The following BANP variants were observed in gnomAD, a reference collection of about 807,000 sequenced individuals.
BANP encodes the protein BTG3 associated nuclear protein, also known as protein BANP.
Under a neutral mutation model 68.1 loss-of-function variants are expected in BANP, and 11 were observed. The observed-to-expected ratio is 0.16, with a 90% CI of 0.10 to 0.27. BANP has a LOEUF of 0.27. Ranked by LOEUF, BANP falls within the 10% of genes least tolerant of loss-of-function variation. The pLI, the probability that BANP is intolerant of heterozygous loss-of-function variation, is 1.00. For synonymous variants in BANP, 329 were observed against 303.2 expected (o/e 1.09, Z -0.88); for missense variants, 504 against 722.7 (o/e 0.70, Z 3.47).
chr16:88,005,451 C>T (rs6540136), intron 5 of BANP, among the ~76,000 whole-genome samples: 150,898 of 152,360 alleles, frequency 0.99, 74,736 homozygotes, highest in East Asian at 1. Context: ...GAAAGGGTCA[C>T]TAAAAAAGGG....
chr16:87,981,386 T>C (rs1322643114), intron 3 of BANP, among the ~76,000 whole-genome samples: 2 of 152,250 alleles, frequency 1.3e-5, no homozygotes, highest in Non-Finnish European at 2.9e-5. Context: ...TTCCTCTTCA[T>C]GTTGCGGCCG....
At chr16:88,048,786 G>T (rs1288667193) in intron 11 of BANP, among the ~76,000 whole-genome samples, 1 of 151,954 alleles carries the variant, frequency 6.6e-6, no homozygotes. Context: ...CAGTGTTCTC[G>T]GTATGGAATA....
At chr16:87,971,834 C>G (rs2061186653) in intron 1 of BANP, among the ~76,000 whole-genome samples, 1 of 152,082 alleles carries the variant, frequency 6.6e-6, no homozygotes, top group Non-Finnish European at 1.5e-5. Flanking sequence ...GTTCTGTTGT[C>G]CAGGGTGGAG....
At chr16:88,047,788 C>T (rs1161276751) in intron 11 of BANP, among the ~76,000 whole-genome samples, 2 of 152,228 alleles carry the variant, frequency 1.3e-5, no homozygotes, top group Non-Finnish European at 2.9e-5. Context: ...GAATGTGGTA[C>T]ATAGTGAACT....
At position 88,018,410 on chromosome 16, in the gene BANP, C is replaced by G; in HGVS notation, c.656-18C>G. The G allele has an allele frequency of 6.2e-7, 1 of 1,604,040 alleles. No homozygotes were observed. The highest frequency in any genetic ancestry group is 8.5e-7 in the Non-Finnish European group (1 of 1,174,104). ...ATTTGAGCCTTGGCCATCTGAGGAC[C>G]TGTCTTCTGTTTTTCAGAGGACTAC... is the stretch of plus-strand genomic sequence containing the variant. On this transcript the variant is annotated intron_variant, in intron 6 of 13. Transcript: ENST00000682872. The surrounding 1 kb of genome is among the most constrained non-coding windows in gnomAD (Gnocchi z 7.7).
At chr16:88,060,467 T>A (rs1280138122) in intron 11 of BANP, among the ~76,000 whole-genome samples, 1 of 152,200 alleles carries the variant, frequency 6.6e-6, no homozygotes, top group Non-Finnish European at 1.5e-5. Context: ...CCGACTGAAG[T>A]GAGCTTAGTG....
At chr16:88,042,440 T>C (rs577141710) in intron 11 of BANP, among the ~76,000 whole-genome samples, 1 of 152,312 alleles carries the variant, frequency 6.6e-6, no homozygotes, top group African/African-American at 2.4e-5. Flanking sequence ...CTGTGGCCTC[T>C]GCTTTGCCAG....
At chr16:88,075,082 A>G (rs536912258) in intron 13 of BANP, among the ~76,000 whole-genome samples, 2 of 152,296 alleles carry the variant, frequency 1.3e-5, no homozygotes, top group African/African-American at 4.8e-5. Context: ...ACGGTAGCTC[A>G]CGCCTGTAAT....
chr16:87,954,729 C>T (rs2057706717), intron 1 of BANP, among the ~76,000 whole-genome samples: 1 of 152,254 alleles, frequency 6.6e-6, no homozygotes, highest in Non-Finnish European at 1.5e-5. Flanking sequence ...CGGTGCTTTC[C>T]CTCTGCCCTG....
At chr16:87,955,382 G>A (rs2057836380) in intron 1 of BANP, among the ~76,000 whole-genome samples, 1 of 152,212 alleles carries the variant, frequency 6.6e-6, no homozygotes, top group African/African-American at 2.4e-5. Flanking sequence ...TTTTCAGATA[G>A]TTTTTGACTT....
chr16:88,008,533 A>C (rs2071985768), intron 6 of BANP, among the ~76,000 whole-genome samples: 2 of 152,326 alleles, frequency 1.3e-5, no homozygotes. Flanking sequence ...TAGCTAAGGC[A>C]AAAAAACTTG....
chr16:88,042,533 T>C (rs573005734), intron 11 of BANP, among the ~76,000 whole-genome samples: 1 of 152,364 alleles, frequency 6.6e-6, no homozygotes, highest in East Asian at 1.9e-4. Context: ...GCACATGCTG[T>C]CGTGCCCCAC....
chr16:87,984,336 C>T, intron 4 of BANP, 77 bp downstream of exon 4: 1 of 1,340,790 alleles, frequency 7.5e-7, no homozygotes, highest in Non-Finnish European at 1.0e-6. Context: ...AGGCCCGCAG[C>T]TTAGTGGCTC....
At chr16:87,979,035 G>C in intron 2 of BANP, among the ~76,000 whole-genome samples, 1 of 152,184 alleles carries the variant, frequency 6.6e-6, no homozygotes, top group East Asian at 1.9e-4. Flanking sequence ...TTTCCCACCA[G>C]GTAGATCGGA....
At chr16:87,990,480 C>T (rs1052064510) in intron 4 of BANP, among the ~76,000 whole-genome samples, 6 of 152,120 alleles carry the variant, frequency 3.9e-5, no homozygotes, top group South Asian at 2.1e-4. Flanking sequence ...TGTTCTGGCA[C>T]GGGAGCACAA....
At chr16:88,073,179 C>T (rs909894294) in intron 13 of BANP, among the ~76,000 whole-genome samples, 7 of 152,232 alleles carry the variant, frequency 4.6e-5, no homozygotes, top group African/African-American at 1.7e-4. Flanking sequence ...CGGTAGAGCT[C>T]ACGCTCACCA....
At chr16:87,988,132 T>G (rs1321231446) in intron 4 of BANP, among the ~76,000 whole-genome samples, 1 of 152,220 alleles carries the variant, frequency 6.6e-6, no homozygotes, top group Non-Finnish European at 1.5e-5. Flanking sequence ...AGTTACTAAT[T>G]TGTGAACACA....
chr16:88,027,384 G>A, intron 7 of BANP, 99 bp from the exon 8 acceptor site: 3 of 1,388,022 alleles, frequency 2.2e-6, no homozygotes, highest in South Asian at 1.3e-5. Flanking sequence ...GGGGTGCCTG[G>A]GTGAGGCCTC....
intron 12 of BANP, among the ~76,000 whole-genome samples, chr16:88,068,305 G>A (rs996433059): frequency 2.6e-5 from 4 of 152,250 alleles, no homozygotes; most frequent in Admixed American, 1.3e-4. Flanking sequence ...TTGGGCGTGC[G>A]CCAGGGTCCC....
Sources: allele counts gnomAD v4.1 joint callset (sites outside exome capture counted in the v4.1 genomes callset), GRCh38; gene constraint gnomAD v4.1.1; non-coding constraint Gnocchi (gnomAD v3.1); transcripts MANE v1.5; gene names NCBI Gene and HGNC (gene_info 2026-07-23, HGNC 2026-07-21).